The following AP2A2 variants were observed in gnomAD, a reference collection of about 807,000 sequenced individuals.
AP2A2 encodes the protein AP-2 complex subunit alpha-2.
In AP2A2, 32 loss-of-function variants were observed where a neutral mutation model predicts 104.2. The ratio of observed to expected loss-of-function variants is 0.31; its 90% confidence interval spans 0.23 to 0.41. The LOEUF is 0.41. Ranked by LOEUF, AP2A2 falls within the 10% of genes least tolerant of loss-of-function variation. The pLI is 1.00. For synonymous variants in AP2A2, 539 were observed against 533.3 expected, an observed-to-expected ratio of 1.01 and a Z score of -0.15; for missense variants, 912 against 1,261.0, an observed-to-expected ratio of 0.72 and a Z score of 4.19.
chr11:935,615 T>TTTTTTTTTTTTTTTTTC, intron 1 of AP2A2, among the ~76,000 whole-genome samples: 1 of 141,754 alleles, frequency 7.1e-6, no homozygotes, highest in South Asian at 2.6e-4. Flanking sequence ...TTTTTTTTTT[T>TTTTTTTTTTTTTTTTTC]TTTTTTTTTT....
At chr11:987,609 C>G (rs1251492918) in intron 9 of AP2A2, among the ~76,000 whole-genome samples, 2 of 151,852 alleles carry the variant, frequency 1.3e-5, no homozygotes, top group African/African-American at 2.4e-5. Flanking sequence ...GAGCCGAGAT[C>G]GCGCCACTGC....
intron 9 of AP2A2, among the ~76,000 whole-genome samples, 155 bp from the exon 10 acceptor site, chr11:988,396 AC>A (rs1855534250): frequency 6.6e-6 from 1 of 152,198 alleles, no homozygotes; most frequent in Non-Finnish European, 1.5e-5. Context: ...GTCCAGACAC[AC>A]GTGGCCCGAG....
In AP2A2 at chr11:977,092, C is replaced by T; in HGVS notation, c.474-3C>T. 1 of 1,613,636 alleles carries T rather than the reference C, an allele frequency of 6.2e-7. No individual in the cohort carries two copies. Reference sequence around the variant, plus strand: ...CGAGTGACTCTTGACGTCTGTCTTTCAGAGACACTATGGACAGCGTGAAGC... The same window carrying T: ...CGAGTGACTCTTGACGTCTGTCTTTTAGAGACACTATGGACAGCGTGAAGC... On this transcript the variant is annotated splice_region_variant and splice_polypyrimidine_tract_variant and intron_variant, in intron 4 of 21. Coordinates refer to ENST00000448903, the MANE Select transcript of AP2A2 (RefSeq NM_012305.4).
chr11:1,007,706 G>C (rs978481033), intron 17 of AP2A2: 1 of 456,360 alleles, frequency 2.2e-6, no homozygotes, highest in Non-Finnish European at 3.9e-6. Flanking sequence ...TCTGCTAACG[G>C]TGACAAAAAT....
intron 17 of AP2A2, chr11:1,007,783 CTT>C (rs780532182): frequency 3.3e-6 from 2 of 615,036 alleles, no homozygotes; most frequent in South Asian, 2.0e-5. Context: ...ATCTAAGTGA[CTT>C]TTTAAAATGG....
At chr11:966,036 C>T (rs1298248642) in intron 2 of AP2A2, among the ~76,000 whole-genome samples, 1 of 152,188 alleles carries the variant, frequency 6.6e-6, no homozygotes, top group Admixed American at 6.5e-5. Flanking sequence ...TGGGGTCTCG[C>T]TGTGTTTCCT....
At chr11:947,768 C>T (rs1012347364) in intron 1 of AP2A2, among the ~76,000 whole-genome samples, 6 of 150,790 alleles carry the variant, frequency 4.0e-5, no homozygotes, top group African/African-American at 1.5e-4. Flanking sequence ...GTTCGAGAGC[C>T]TGGGCAACAA....
chr11:1,002,341 T>C (rs1856056319), intron 15 of AP2A2, among the ~76,000 whole-genome samples: 1 of 152,234 alleles, frequency 6.6e-6, no homozygotes. Flanking sequence ...CGATCTCTGC[T>C]TTGTTAGCCG....
Position 970,202 on chromosome 11 carries a change from A to AT in AP2A2, c.170_171insT (p.Lys57AsnfsTer15), listed in dbSNP as rs1467654718. 6.2e-7 allele frequency: 1 copy of AT among 1,614,016 alleles called. No individual in the cohort carries two copies. Among genetic ancestry groups the AT allele is most frequent in the Non-Finnish European group, 8.5e-7 (1 of 1,179,884 alleles). On this transcript the variant is annotated frameshift_variant, in exon 3 of 22. Transcript: ENST00000448903. LOFTEE classifies it high-confidence loss of function. ...GCTCTTGATGGCTATAGTAAAAAAAAGTACGTCTGCAAGTTGCTCTTCATC... is the reference window on the plus strand; with the variant it reads ...GCTCTTGATGGCTATAGTAAAAAAAATGTACGTCTGCAAGTTGCTCTTCATC...
chr11:949,662 C>G (rs1433231483), intron 1 of AP2A2, among the ~76,000 whole-genome samples: 1 of 151,902 alleles, frequency 6.6e-6, no homozygotes, highest in East Asian at 1.9e-4. Context: ...ATAGTCCCAG[C>G]TACTCAGGAG....
chr11:971,237 G>C (rs1032192590), intron 3 of AP2A2, among the ~76,000 whole-genome samples: 14 of 152,070 alleles, frequency 9.2e-5, no homozygotes, highest in Admixed American at 5.9e-4. Context: ...AAGTTGAAAG[G>C]ATTTGAGAGA....
At chr11:954,090 C>T (rs1251239313) in intron 1 of AP2A2, among the ~76,000 whole-genome samples, 1 of 152,192 alleles carries the variant, frequency 6.6e-6, no homozygotes, top group Non-Finnish European at 1.5e-5. Flanking sequence ...CCGCCTCAGC[C>T]TCCCAAAGTG....
rs896504050 is a variant in AP2A2, at chr11:993,633, G to A, written c.1551-121G>A. 13 of 759,304 alleles carry A rather than the reference G, an allele frequency of 1.7e-5. No individual in the cohort carries two copies. The highest frequency in any genetic ancestry group is 2.3e-5 in the Non-Finnish European group (11 of 472,104). The allele number at this position is 759,304 out of a possible 1,614,324, so 47.0% of individuals were successfully genotyped here. A position where few individuals can be genotyped will look rare whatever the true frequency, so the allele number is the denominator to read the frequency against. ...CGGTGGGATCTGGAGCTGGAAGAGG[G>A]TCCCGACCAGCGGCCTCTGGTGCAG... On this transcript the variant is annotated intron_variant, in intron 12 of 21. Coordinates refer to ENST00000448903, the MANE Select transcript of AP2A2 (RefSeq NM_012305.4). The surrounding 1 kb of genome is among the most constrained non-coding windows in gnomAD (Gnocchi z 8.2).
intron 2 of AP2A2, among the ~76,000 whole-genome samples, chr11:963,637 T>C (rs894661096): frequency 2.4e-4 from 37 of 152,312 alleles, no homozygotes; most frequent in African/African-American, 8.4e-4. Flanking sequence ...GATTGATCTA[T>C]TGATTTACTG....
intron 10 of AP2A2, among the ~76,000 whole-genome samples, chr11:991,391 TG>T (rs1855650512): frequency 1.3e-5 from 2 of 152,040 alleles, no homozygotes; most frequent in Non-Finnish European, 2.9e-5. Context: ...ATTACACTCC[TG>T]GGGGGCTGTG....
chr11:1,003,183 G>T (rs772206517), intron 15 of AP2A2, among the ~76,000 whole-genome samples: 1 of 152,234 alleles, frequency 6.6e-6, no homozygotes, highest in South Asian at 2.1e-4. Context: ...CTCCCTGTGC[G>T]GTGTAGACAC....
intron 2 of AP2A2, among the ~76,000 whole-genome samples, chr11:962,826 T>C (rs1854486961): frequency 6.6e-6 from 1 of 152,100 alleles, no homozygotes; most frequent in African/African-American, 2.4e-5. Flanking sequence ...ATAGGGAAGG[T>C]GGCCCCTCCT....
At chr11:983,825 G>A (rs1264740580) in intron 6 of AP2A2, among the ~76,000 whole-genome samples, 2 of 152,204 alleles carry the variant, frequency 1.3e-5, no homozygotes, top group African/African-American at 4.8e-5. Flanking sequence ...CATGTTGGCC[G>A]TGTCTGTGTG....
chr11:1,003,498 C>G (rs1392846690), intron 15 of AP2A2, among the ~76,000 whole-genome samples: 1 of 152,272 alleles, frequency 6.6e-6, no homozygotes, highest in African/African-American at 2.4e-5. Flanking sequence ...ACCAACTTCA[C>G]AGGTCTTGCC....
Sources: gnomAD v4.1 joint callset for allele counts (sites outside exome capture counted in the v4.1 genomes callset) on GRCh38, gnomAD v4.1.1 for gene constraint, Gnocchi (gnomAD v3.1) non-coding constraint, MANE v1.5 for transcripts, NCBI Gene and HGNC (gene_info 2026-07-23, HGNC 2026-07-21) for gene names.